Variants in FGF12 observed in about 807,000 individuals in gnomAD.
The protein encoded by FGF12 is fibroblast growth factor 12B.
A neutral mutation model predicts 23.6 loss-of-function variants in FGF12; 14 were observed. That is an observed-to-expected ratio of 0.59 (90% CI 0.39 to 0.93). The LOEUF (loss-of-function observed/expected upper bound fraction) is 0.93. Ranked by LOEUF, FGF12 falls within the 40% of genes least tolerant of loss-of-function variation. The pLI is 0.00. For missense variants in FGF12, 175 were observed against 217.8 expected (o/e 0.80, Z 1.24); for synonymous variants, 62 against 77.3 (o/e 0.80, Z 1.04).
intron 4 of FGF12, among the ~76,000 whole-genome samples, chr3:192,286,226 T>G (rs1431971129): frequency 3.3e-5 from 5 of 152,012 alleles, no homozygotes; most frequent in Non-Finnish European, 4.4e-5. Context: ...TTCCATTACA[T>G]GTGCTGTTGG....
intron 4 of FGF12, among the ~76,000 whole-genome samples, chr3:192,276,710 CA>C (rs1322408654): frequency 1.3e-5 from 2 of 152,048 alleles, no homozygotes; most frequent in Non-Finnish European, 2.9e-5. Flanking sequence ...TGAAGCCAGC[CA>C]AAAACCTTAA....
chr3:192,402,337 G>T (rs892711767), intron 2 of FGF12, among the ~76,000 whole-genome samples: 6 of 152,214 alleles, frequency 3.9e-5, no homozygotes, highest in Non-Finnish European at 7.3e-5. Flanking sequence ...CGAGCCAGGA[G>T]CCTAAGCCCA....
chr3:192,548,969 G>T (rs1480454357), intron 2 of FGF12, among the ~76,000 whole-genome samples: 1 of 152,082 alleles, frequency 6.6e-6, no homozygotes, highest in Admixed American at 6.6e-5. Flanking sequence ...ATCAAAAAAA[G>T]TCTTTCATAG....
chr3:192,390,280 G>T (rs987771689), intron 2 of FGF12, among the ~76,000 whole-genome samples: 1 of 152,118 alleles, frequency 6.6e-6, no homozygotes, highest in African/African-American at 2.4e-5. Flanking sequence ...CTCCGGCCTG[G>T]CTCAAATGCC....
At chr3:192,243,027 C>G (rs1032885637) in intron 4 of FGF12, among the ~76,000 whole-genome samples, 3 of 151,964 alleles carry the variant, frequency 2.0e-5, no homozygotes, top group African/African-American at 7.2e-5. Flanking sequence ...TGGAAAAACA[C>G]ATAATATTCA....
At chr3:192,454,752 G>A (rs1173927504) in intron 2 of FGF12, among the ~76,000 whole-genome samples, 1 of 152,106 alleles carries the variant, frequency 6.6e-6, no homozygotes, top group East Asian at 1.9e-4. Flanking sequence ...AATTTAAAAT[G>A]ATACTGATTG....
intron 2 of FGF12, among the ~76,000 whole-genome samples, chr3:192,579,873 C>T (rs1296529176): frequency 2.0e-5 from 3 of 152,140 alleles, no homozygotes; most frequent in South Asian, 2.1e-4. Flanking sequence ...CCTGGCCCCA[C>T]ATGTTATTCT....
intron 2 of FGF12, among the ~76,000 whole-genome samples, chr3:192,528,866 C>G (rs1320086317): frequency 1.3e-5 from 2 of 152,146 alleles, no homozygotes; most frequent in Non-Finnish European, 2.9e-5. Flanking sequence ...AGCTGGGACA[C>G]AGGGCACCAA....
intron 2 of FGF12, among the ~76,000 whole-genome samples, chr3:192,556,475 A>G (rs1368438179): frequency 6.6e-6 from 1 of 152,186 alleles, no homozygotes; most frequent in Non-Finnish European, 1.5e-5. Context: ...AGAGACAACA[A>G]TTATAAATAT....
chr3:192,642,647 T>G (rs543615385), intron 2 of FGF12, among the ~76,000 whole-genome samples: 1 of 152,352 alleles, frequency 6.6e-6, no homozygotes, highest in Non-Finnish European at 1.5e-5. Context: ...GATGATCAAG[T>G]GAAAGCAACT....
At chr3:192,520,672 C>T (rs754848102) in intron 2 of FGF12, among the ~76,000 whole-genome samples, 2 of 151,988 alleles carry the variant, frequency 1.3e-5, no homozygotes, top group East Asian at 1.9e-4. Flanking sequence ...GTGCGTGAAA[C>T]GTTACTATGG....
intron 2 of FGF12, among the ~76,000 whole-genome samples, chr3:192,667,143 T>C (rs954230677): frequency 1.3e-5 from 2 of 152,214 alleles, no homozygotes; most frequent in African/African-American, 2.4e-5. Flanking sequence ...GGGATTCAGA[T>C]AACAATTTTT....
chr3:192,181,897 A>G (rs1212599523), intron 4 of FGF12, among the ~76,000 whole-genome samples: 1 of 152,052 alleles, frequency 6.6e-6, no homozygotes, highest in Non-Finnish European at 1.5e-5. Context: ...GACATGGGCC[A>G]CCATGCTCAG....
chr3:192,631,122 T>C (rs1438915748), intron 2 of FGF12, among the ~76,000 whole-genome samples: 1 of 152,180 alleles, frequency 6.6e-6, no homozygotes, highest in Non-Finnish European at 1.5e-5. Context: ...TGCCACTTTT[T>C]TTGCCTTTGT....
At chr3:192,667,195 C>T (rs1716916357) in intron 2 of FGF12, among the ~76,000 whole-genome samples, 1 of 152,070 alleles carries the variant, frequency 6.6e-6, no homozygotes, top group Admixed American at 6.6e-5. Flanking sequence ...TCTTGTAAAA[C>T]AACTGTAGTG....
At chr3:192,420,259 T>G (rs1271157427) in intron 2 of FGF12, among the ~76,000 whole-genome samples, 3 of 152,156 alleles carry the variant, frequency 2.0e-5, no homozygotes, top group Non-Finnish European at 2.9e-5. Context: ...TCAGGCCTTC[T>G]GCAGGTTAAG....
At chr3:192,725,283 T>TG (rs1719172952) in intron 2 of FGF12, among the ~76,000 whole-genome samples, 2 of 129,504 alleles carry the variant, frequency 1.5e-5, no homozygotes, top group Admixed American at 1.5e-4. Flanking sequence ...ACTTTCATCA[T>TG]GTTTTTTTTT....
chr3:192,163,208 G>T (rs1374041607), intron 5 of FGF12, among the ~76,000 whole-genome samples: 1 of 152,042 alleles, frequency 6.6e-6, no homozygotes, highest in Non-Finnish European at 1.5e-5. Context: ...AACAAAAATT[G>T]CTTAGCAAAT....
chr3:192,299,504 C>T (rs765103421), intron 4 of FGF12, among the ~76,000 whole-genome samples: 4 of 152,120 alleles, frequency 2.6e-5, no homozygotes, highest in Non-Finnish European at 4.4e-5. Context: ...AAATGTAAGT[C>T]TCTTTTGAAT....
Sources: gnomAD v4.1 joint callset for allele counts (sites outside exome capture counted in the v4.1 genomes callset) on GRCh38, gnomAD v4.1.1 for gene constraint, MANE v1.5 for transcripts, NCBI Gene and HGNC (gene_info 2026-07-23, HGNC 2026-07-21) for gene names.